Variants in AGMO observed in about 807,000 individuals in gnomAD.
The protein encoded by AGMO is glyceryl-ether monooxygenase.
Under a neutral mutation model 60.2 loss-of-function variants are expected in AGMO, and 75 were observed. That is an observed-to-expected ratio of 1.25 (90% CI 1.03 to 1.51). AGMO has a LOEUF of 1.51. Among genes scored for constraint, AGMO ranks in the 40% most tolerant of loss-of-function variants. The pLI is 0.00. For synonymous variants in AGMO, 261 were observed against 177.1 expected (o/e 1.47, Z -3.76); for missense variants, 763 against 525.5 (o/e 1.45, Z -4.42).
At chr7:15,233,524 C>T (rs1220650945) in intron 12 of AGMO, among the ~76,000 whole-genome samples, 1 of 151,536 alleles carries the variant, frequency 6.6e-6, no homozygotes, top group Non-Finnish European at 1.5e-5. Flanking sequence ...GACTAGGGAG[C>T]TATTGCTTAA....
chr7:15,259,647 G>C (rs1392210979), intron 12 of AGMO, among the ~76,000 whole-genome samples: 1 of 152,000 alleles, frequency 6.6e-6, no homozygotes, highest in Admixed American at 6.6e-5. Context: ...AATCTTAAGA[G>C]CTGTGAGGCA....
chr7:15,246,046 G>A (rs992646826), intron 12 of AGMO, among the ~76,000 whole-genome samples: 3 of 150,878 alleles, frequency 2.0e-5, no homozygotes, highest in African/African-American at 7.4e-5. Flanking sequence ...CATCACTGAA[G>A]GCTTAAAAAA....
intron 3 of AGMO, among the ~76,000 whole-genome samples, chr7:15,501,725 G>A (rs1783390283): frequency 6.6e-6 from 1 of 151,772 alleles, no homozygotes; most frequent in Non-Finnish European, 1.5e-5. Flanking sequence ...GTAACAAATT[G>A]AGTACAATTG....
intron 5 of AGMO, among the ~76,000 whole-genome samples, chr7:15,408,678 G>A (rs1784765499): frequency 6.6e-6 from 1 of 151,860 alleles, no homozygotes; most frequent in African/African-American, 2.4e-5. Flanking sequence ...GAGGAGGAAA[G>A]GAGAGAGAAT....
chr7:15,188,331 A>T, the AGMO span, among the ~76,000 whole-genome samples: 1 of 152,214 alleles, frequency 6.6e-6, no homozygotes, highest in Non-Finnish European at 1.5e-5. Context: ...TCATAAGGTT[A>T]TTGTGAGGAT....
chr7:15,452,260 T>C (rs189969162), intron 3 of AGMO, among the ~76,000 whole-genome samples: 84 of 152,248 alleles, frequency 5.5e-4, no homozygotes, highest in African/African-American at 1.9e-3. Flanking sequence ...TTTAAAATTT[T>C]TGTATATTAA....
chr7:15,554,053 A>G (rs1249281848), intron 2 of AGMO, among the ~76,000 whole-genome samples: 1 of 152,162 alleles, frequency 6.6e-6, no homozygotes, highest in South Asian at 2.1e-4. Context: ...AGTGCCCACA[A>G]CTAAAAGCAA....
chr7:15,560,312 A>T (rs765548342), intron 1 of AGMO, 41 bp from the exon 2 acceptor site: 2 of 1,578,838 alleles, frequency 1.3e-6, no homozygotes, highest in African/African-American at 1.4e-5. Flanking sequence ...ATTATGTTCC[A>T]TATGAAATTA....
intron 10 of AGMO, among the ~76,000 whole-genome samples, chr7:15,375,850 TTG>T (rs1783432326): frequency 2.0e-5 from 3 of 152,120 alleles, no homozygotes; most frequent in African/African-American, 7.2e-5. Flanking sequence ...GAGGTTATCA[TTG>T]TGTTTGTTAT....
chr7:15,266,791 A>T (rs1783445425), intron 12 of AGMO, among the ~76,000 whole-genome samples: 1 of 152,036 alleles, frequency 6.6e-6, no homozygotes, highest in African/African-American at 2.4e-5. Flanking sequence ...TATCTAAAAA[A>T]AAAATCAGGA....
At chr7:15,226,497 C>T (rs1439954489) in intron 12 of AGMO, among the ~76,000 whole-genome samples, 1 of 152,072 alleles carries the variant, frequency 6.6e-6, no homozygotes, top group Non-Finnish European at 1.5e-5. Context: ...ATGGACCCCA[C>T]ATTAACAAAT....
intron 12 of AGMO, among the ~76,000 whole-genome samples, chr7:15,363,367 A>G (rs1337481691): frequency 6.6e-6 from 1 of 152,162 alleles, no homozygotes; most frequent in African/African-American, 2.4e-5. Context: ...ACTTTTGTGG[A>G]GCACTTACTA....
chr7:15,511,686 C>A (rs924507646), intron 3 of AGMO, among the ~76,000 whole-genome samples: 11 of 152,188 alleles, frequency 7.2e-5, no homozygotes, highest in African/African-American at 2.4e-4. Context: ...CGCTGATTAA[C>A]TTGATGTGCT....
chr7:15,384,025 TCC>T (rs1216214311), intron 10 of AGMO, among the ~76,000 whole-genome samples: 2 of 152,104 alleles, frequency 1.3e-5, no homozygotes, highest in East Asian at 3.9e-4. Context: ...AAGCTCTGCC[TCC>T]CAGGTTCACG....
intron 12 of AGMO, among the ~76,000 whole-genome samples, chr7:15,348,140 C>A (rs1220770983): frequency 1.3e-5 from 2 of 152,018 alleles, no homozygotes; most frequent in Admixed American, 6.6e-5. Context: ...CACAGAATCC[C>A]TATTGACATG....
At chr7:15,379,872 A>G (rs916220343) in intron 10 of AGMO, among the ~76,000 whole-genome samples, 1 of 152,174 alleles carries the variant, frequency 6.6e-6, no homozygotes, top group African/African-American at 2.4e-5. Flanking sequence ...AAATCAGTCA[A>G]TGTGATTCAT....
intron 3 of AGMO, among the ~76,000 whole-genome samples, chr7:15,448,981 G>A (rs1433284435): frequency 2.0e-5 from 3 of 152,134 alleles, no homozygotes; most frequent in African/African-American, 7.2e-5. Flanking sequence ...GTTAGAGCTG[G>A]AGTTTAAATC....
chr7:15,366,701 ACT>A (rs1184409823), intron 10 of AGMO, among the ~76,000 whole-genome samples: 1 of 152,148 alleles, frequency 6.6e-6, no homozygotes, highest in South Asian at 2.1e-4. Flanking sequence ...ACACATATAC[ACT>A]CATATTTGAT....
chr7:15,283,027 C>T (rs1428509751), intron 12 of AGMO, among the ~76,000 whole-genome samples: 2 of 152,058 alleles, frequency 1.3e-5, no homozygotes, highest in Non-Finnish European at 2.9e-5. Flanking sequence ...TATTTTCAGA[C>T]AAACAAATGC....
Sources: allele counts gnomAD v4.1 joint callset (sites outside exome capture counted in the v4.1 genomes callset), GRCh38; gene constraint gnomAD v4.1.1; transcripts MANE v1.5; gene names NCBI Gene and HGNC (gene_info 2026-07-23, HGNC 2026-07-21).